The following PTPRD variants were observed in gnomAD, a reference collection of about 807,000 sequenced individuals.
PTPRD encodes the protein receptor-type tyrosine-protein phosphatase delta.
PTPRD carries 34 observed loss-of-function variants against 214.5 expected under a neutral mutation model. The observed-to-expected ratio is 0.16, with a 90% CI of 0.12 to 0.21. PTPRD has a LOEUF of 0.21. PTPRD is among the 10% of genes least tolerant of loss of function. The pLI is 1.00. For missense variants in PTPRD, 2,545 were observed against 2,398.7 expected (o/e 1.06, Z -1.27); for synonymous variants, 1,128 against 845.7 (o/e 1.33, Z -5.79).
At chr9:8,547,930 A>G (rs2080743821) in intron 14 of PTPRD, among the ~76,000 whole-genome samples, 1 of 152,194 alleles carries the variant, frequency 6.6e-6, no homozygotes, top group Non-Finnish European at 1.5e-5. Flanking sequence ...CTCTCTGTGT[A>G]AAACATTGCT....
intron 10 of PTPRD, among the ~76,000 whole-genome samples, chr9:9,168,051 A>T (rs1240433284): frequency 6.6e-6 from 1 of 152,162 alleles, no homozygotes; most frequent in Non-Finnish European, 1.5e-5. Flanking sequence ...AAGGTTTGGC[A>T]AACTACCGCC....
chr9:9,117,220 GTTT>G (rs77848911), intron 10 of PTPRD, among the ~76,000 whole-genome samples: 1 of 134,280 alleles, frequency 7.4e-6, no homozygotes, highest in African/African-American at 2.9e-5. Flanking sequence ...AGGAAATTAA[GTTT>G]TTTTTTTTTT....
chr9:8,512,414 A>G (rs1395591536), intron 21 of PTPRD, among the ~76,000 whole-genome samples: 1 of 152,084 alleles, frequency 6.6e-6, no homozygotes, highest in Non-Finnish European at 1.5e-5. Context: ...TGCTAAATCT[A>G]TTCAGAAAAA....
chr9:8,702,512 C>T (rs1003183418), intron 12 of PTPRD, among the ~76,000 whole-genome samples: 25 of 152,250 alleles, frequency 1.6e-4, no homozygotes, highest in African/African-American at 5.5e-4. Flanking sequence ...AAAAATAAAG[C>T]CAACAAGGAC....
At chr9:9,034,985 G>T (rs779348464) in intron 10 of PTPRD, among the ~76,000 whole-genome samples, 10 of 152,100 alleles carry the variant, frequency 6.6e-5, no homozygotes, top group Non-Finnish European at 1.3e-4. Flanking sequence ...CTCTTTGCAG[G>T]AGGGACTTCT....
chr9:8,460,875 G>A (rs961577058), intron 32 of PTPRD, among the ~76,000 whole-genome samples: 38 of 151,940 alleles, frequency 2.5e-4, no homozygotes, highest in African/African-American at 8.7e-4. Flanking sequence ...ATCCTATGAA[G>A]CGTAAAGTAC....
At chr9:10,238,593 C>T (rs1406074232) in intron 3 of PTPRD, among the ~76,000 whole-genome samples, 2 of 151,846 alleles carry the variant, frequency 1.3e-5, no homozygotes, top group African/African-American at 4.8e-5. Context: ...AAAGCATATA[C>T]TTTTCCTTAA....
At chr9:9,100,210 A>G (rs1049641214) in intron 10 of PTPRD, among the ~76,000 whole-genome samples, 4 of 152,160 alleles carry the variant, frequency 2.6e-5, no homozygotes, top group Admixed American at 1.3e-4. Context: ...GCTTCTTACC[A>G]TAATTCAAAA....
At chr9:10,486,962 T>C (rs1589259496) in intron 2 of PTPRD, among the ~76,000 whole-genome samples, 1 of 152,220 alleles carries the variant, frequency 6.6e-6, no homozygotes, top group Non-Finnish European at 1.5e-5. Context: ...CTAATAACTT[T>C]TGCTTTATAT....
chr9:10,023,627 T>C (rs1488767296), intron 4 of PTPRD, among the ~76,000 whole-genome samples: 1 of 152,054 alleles, frequency 6.6e-6, no homozygotes, highest in Non-Finnish European at 1.5e-5. Flanking sequence ...AACTATTTTT[T>C]TTTTTCTAAT....
intron 39 of PTPRD, among the ~76,000 whole-genome samples, chr9:8,359,485 T>C (rs2077913834): frequency 6.6e-6 from 1 of 152,144 alleles, no homozygotes; most frequent in Admixed American, 6.5e-5. Context: ...CCAGCAAATT[T>C]ATAAAATAAT....
At chr9:9,355,906 C>T (rs933468105) in intron 9 of PTPRD, among the ~76,000 whole-genome samples, 5 of 151,200 alleles carry the variant, frequency 3.3e-5, no homozygotes, top group East Asian at 3.9e-4. Context: ...GTATCACAGA[C>T]GCCAATAGAA....
intron 12 of PTPRD, among the ~76,000 whole-genome samples, chr9:8,733,333 G>A (rs192923093): frequency 2.0e-5 from 3 of 152,136 alleles, no homozygotes; most frequent in African/African-American, 7.2e-5. Context: ...TGCTATGACA[G>A]CTACAAGGGG....
intron 5 of PTPRD, among the ~76,000 whole-genome samples, chr9:9,818,338 T>C (rs2761749): frequency 0.56 from 84,810 of 151,828 alleles, 26,545 homozygotes; most frequent in East Asian, 0.89. Flanking sequence ...GTAAGCCTTT[T>C]TATCAGCTGA....
chr9:10,492,773 T>C (rs1266407187), intron 2 of PTPRD, among the ~76,000 whole-genome samples: 3 of 152,106 alleles, frequency 2.0e-5, no homozygotes, highest in Non-Finnish European at 2.9e-5. Flanking sequence ...GTGTTATTCA[T>C]GAAGTCTATG....
intron 2 of PTPRD, among the ~76,000 whole-genome samples, chr9:10,552,904 T>C (rs1023055064): frequency 6.6e-6 from 1 of 152,196 alleles, no homozygotes; most frequent in African/African-American, 2.4e-5. Context: ...ACTCTCCCAA[T>C]AGATACAATC....
intron 5 of PTPRD, among the ~76,000 whole-genome samples, chr9:9,787,051 T>A (rs1348164137): frequency 6.6e-6 from 1 of 151,972 alleles, no homozygotes; most frequent in Non-Finnish European, 1.5e-5. Context: ...GCATGATAAT[T>A]GCTTGAACCC....
chr9:10,031,275 T>C (rs756741398), intron 4 of PTPRD, among the ~76,000 whole-genome samples: 2 of 152,000 alleles, frequency 1.3e-5, no homozygotes, highest in Non-Finnish European at 1.5e-5. Flanking sequence ...GTTAACTCGA[T>C]TGGATTGAAG....
At chr9:10,555,507 G>T (rs938175611) in intron 2 of PTPRD, among the ~76,000 whole-genome samples, 1 of 152,120 alleles carries the variant, frequency 6.6e-6, no homozygotes, top group African/African-American at 2.4e-5. Context: ...GAGCACTTGG[G>T]TTTTTGCAGC....
Sources: allele counts gnomAD v4.1 joint callset (sites outside exome capture counted in the v4.1 genomes callset), GRCh38; gene constraint gnomAD v4.1.1; transcripts MANE v1.5; gene names NCBI Gene and HGNC (gene_info 2026-07-23, HGNC 2026-07-21).